Variants in CAMKMT observed in about 807,000 individuals in gnomAD.
CAMKMT encodes the protein calmodulin-lysine N-methyltransferase.
Under a neutral mutation model 48.0 loss-of-function variants are expected in CAMKMT, and 53 were observed. The observed-to-expected ratio is 1.10, with a 90% CI of 0.89 to 1.39. The LOEUF is 1.39. CAMKMT is among the 40% of genes most tolerant of loss of function. CAMKMT has a pLI of 0.00. For synonymous variants in CAMKMT, 165 were observed against 152.3 expected, an observed-to-expected ratio of 1.08 and a Z score of -0.61; for missense variants, 428 against 402.7, an observed-to-expected ratio of 1.06 and a Z score of -0.54.
chr2:44,420,288 A>T (rs1683843513), intron 3 of CAMKMT, among the ~76,000 whole-genome samples: 2 of 152,240 alleles, frequency 1.3e-5, no homozygotes, highest in Middle Eastern at 3.4e-3. Flanking sequence ...TTTCTAATTA[A>T]TATTTACTGT....
intron 3 of CAMKMT, among the ~76,000 whole-genome samples, chr2:44,422,899 G>A (rs372894531): frequency 5.3e-5 from 8 of 152,016 alleles, no homozygotes; most frequent in Admixed American, 2.0e-4. Context: ...ATCAGCTCAT[G>A]GCTTTATTTT....
At chr2:44,638,160 A>T (rs1673244395) in intron 3 of CAMKMT, among the ~76,000 whole-genome samples, 1 of 152,140 alleles carries the variant, frequency 6.6e-6, no homozygotes, top group Non-Finnish European at 1.5e-5. Flanking sequence ...ATGAAACTAT[A>T]TATACTTTCT....
At chr2:44,367,249 G>A (rs926467890) in intron 1 of CAMKMT, among the ~76,000 whole-genome samples, 6 of 151,884 alleles carry the variant, frequency 4.0e-5, no homozygotes, top group African/African-American at 4.8e-5. Context: ...TCCAATATCC[G>A]AGAAAGGAAA....
rs1173472282 is a variant in CAMKMT, at chr2:44,587,494, G to T, written c.377-116789G>T. Among the ~76,000 whole-genome samples the T allele has an allele frequency of 3.7e-5, 4 of 106,836 alleles. No homozygotes were observed. In the East Asian group the frequency reaches 9.5e-4, roughly 25 times the overall value. 70.1% of individuals were successfully genotyped at this position (106,836 alleles called of 152,430 possible). A position where few individuals can be genotyped will look rare whatever the true frequency, so the allele number is the denominator to read the frequency against. ...CCTCTCCGTCTCCCTCTCTCTCCAC[G>T]GTCTCCTTCCACGGTCTCCCTCTGA... is the stretch of plus-strand genomic sequence containing the variant. On this transcript the variant is annotated intron_variant, in intron 3 of 10. Transcript: ENST00000378494.
chr2:44,531,987 TATATCCTA>T (rs2104828675), intron 3 of CAMKMT, among the ~76,000 whole-genome samples: 1 of 152,298 alleles, frequency 6.6e-6, no homozygotes, highest in African/African-American at 2.4e-5. Flanking sequence ...AAACAAATAT[TATATCCTA>T]GTAATTGAGG....
chr2:44,462,622 A>G (rs961437246), intron 3 of CAMKMT, among the ~76,000 whole-genome samples: 1 of 152,128 alleles, frequency 6.6e-6, no homozygotes. Context: ...TGCTGGGTCA[A>G]AGGTTTTATT....
chr2:44,398,708 A>T (rs936168880), intron 3 of CAMKMT, among the ~76,000 whole-genome samples: 1 of 148,958 alleles, frequency 6.7e-6, no homozygotes, highest in African/African-American at 2.5e-5. Flanking sequence ...CATAAACGTA[A>T]ATCACCCAAA....
At chr2:44,430,559 C>T (rs1190393489) in intron 3 of CAMKMT, among the ~76,000 whole-genome samples, 1 of 151,388 alleles carries the variant, frequency 6.6e-6, no homozygotes, top group Non-Finnish European at 1.5e-5. Flanking sequence ...TGTTCTTCAG[C>T]TCATTCAACC....
Position 44,570,983 on chromosome 2 carries a change from GA to G in CAMKMT, c.377-133296del, listed in dbSNP as rs753863642. 7.6e-4 allele frequency among the ~76,000 whole-genome samples: 116 copies of G among 152,098 alleles called. 1 individual carries two copies. Among genetic ancestry groups the G allele is most frequent in the Non-Finnish European group, 1.2e-3 (84 of 68,010 alleles). On this transcript the variant is annotated intron_variant, in intron 3 of 10. Transcript: ENST00000378494. Reference sequence around the variant, plus strand: ...AAAAAACACCACGAAAAGTAAAAAGGAAAACCCAAACCACAAGAAACATTTT... The same window carrying G: ...AAAAAACACCACGAAAAGTAAAAAGGAAACCCAAACCACAAGAAACATTTT...
intron 3 of CAMKMT, among the ~76,000 whole-genome samples, chr2:44,632,201 C>T (rs946529058): frequency 6.6e-6 from 1 of 152,212 alleles, no homozygotes; most frequent in Non-Finnish European, 1.5e-5. Flanking sequence ...ATACCATTTT[C>T]CTTTCACTTG....
intron 3 of CAMKMT, among the ~76,000 whole-genome samples, chr2:44,689,446 A>T (rs980034355): frequency 6.6e-6 from 1 of 151,894 alleles, no homozygotes; most frequent in African/African-American, 2.4e-5. Flanking sequence ...CAGTTTTAAA[A>T]GGGAAAAGGG....
At chr2:44,529,208 A>T (rs1302062559) in intron 3 of CAMKMT, among the ~76,000 whole-genome samples, 1 of 152,186 alleles carries the variant, frequency 6.6e-6, no homozygotes, top group East Asian at 1.9e-4. Context: ...TTTCTTTAAT[A>T]TCATTATGAA....
intron 1 of CAMKMT, among the ~76,000 whole-genome samples, chr2:44,363,268 G>A (rs979077647): frequency 6.6e-6 from 1 of 152,150 alleles, no homozygotes. Context: ...TGTCCTCACA[G>A]ATCATCATAG....
At chr2:44,658,442 G>C (rs1249511007) in intron 3 of CAMKMT, among the ~76,000 whole-genome samples, 1 of 152,162 alleles carries the variant, frequency 6.6e-6, no homozygotes, top group East Asian at 1.9e-4. Flanking sequence ...TAATTGGCTG[G>C]AGAGTAGAGC....
intron 3 of CAMKMT, among the ~76,000 whole-genome samples, chr2:44,702,452 T>C (rs571693005): frequency 6.6e-6 from 1 of 152,292 alleles, no homozygotes; most frequent in East Asian, 1.9e-4. Flanking sequence ...TAGGAACCAT[T>C]CTAAACATAG....
intron 10 of CAMKMT, among the ~76,000 whole-genome samples, chr2:44,771,744 G>A (rs1285610055): frequency 6.6e-6 from 1 of 152,070 alleles, no homozygotes; most frequent in African/African-American, 2.4e-5. Flanking sequence ...TGATGAATGA[G>A]CCCCAGCTCT....
chr2:44,605,994 G>C (rs574434997), intron 3 of CAMKMT, among the ~76,000 whole-genome samples: 1 of 152,044 alleles, frequency 6.6e-6, no homozygotes, highest in African/African-American at 2.4e-5. Flanking sequence ...ATTCTATATA[G>C]TTCATGAACC....
intron 3 of CAMKMT, among the ~76,000 whole-genome samples, chr2:44,465,977 A>G (rs1032967609): frequency 1.3e-4 from 20 of 152,202 alleles, no homozygotes; most frequent in South Asian, 2.1e-4. Context: ...TTCTCCAGGA[A>G]CTCAAAACAA....
At chr2:44,534,079 A>G (rs1239209565) in intron 3 of CAMKMT, among the ~76,000 whole-genome samples, 1 of 152,202 alleles carries the variant, frequency 6.6e-6, no homozygotes, top group Non-Finnish European at 1.5e-5. Flanking sequence ...AAGAATAGCT[A>G]TACTTACATA....
Sources: gnomAD v4.1 joint callset for allele counts (sites outside exome capture counted in the v4.1 genomes callset) on GRCh38, gnomAD v4.1.1 for gene constraint, MANE v1.5 for transcripts, NCBI Gene and HGNC (gene_info 2026-07-23, HGNC 2026-07-21) for gene names.